Variants in RYR2 observed in about 807,000 individuals in gnomAD.
RYR2 encodes the protein cardiac muscle ryanodine receptor-calcium release channel.
RYR2 carries 227 observed loss-of-function variants against 601.1 expected under a neutral mutation model. The ratio of observed to expected loss-of-function variants is 0.38; its 90% CI spans 0.34 to 0.42. The LOEUF is 0.42. Ranked by LOEUF, RYR2 falls within the 10% of genes least tolerant of loss-of-function variation. The pLI is 1.00. For missense variants in RYR2, 4,646 were observed against 6,156.5 expected, an observed-to-expected ratio of 0.75 and a Z score of 8.21; for synonymous variants, 2,223 against 2,175.1, an observed-to-expected ratio of 1.02 and a Z score of -0.61.
chr1:237,488,448 C>T (rs1662942017), intron 17 of RYR2, among the ~76,000 whole-genome samples: 1 of 152,138 alleles, frequency 6.6e-6, no homozygotes, highest in South Asian at 2.1e-4. Flanking sequence ...TATAAAGGCA[C>T]TAATCCCATT....
intron 1 of RYR2, among the ~76,000 whole-genome samples, chr1:237,182,150 C>T (rs1028791684): frequency 2.1e-4 from 30 of 139,700 alleles, no homozygotes; most frequent in African/African-American, 5.5e-4. Flanking sequence ...GAGATGGAGT[C>T]GCACTCTATT....
intron 1 of RYR2, among the ~76,000 whole-genome samples, chr1:237,118,790 C>A (rs987207437): frequency 1.3e-5 from 2 of 151,894 alleles, no homozygotes; most frequent in Admixed American, 6.6e-5. Context: ...TTAGTTACAT[C>A]TTTTATAAAG....
chr1:237,783,627 C>T lies in RYR2; in HGVS notation c.11963-48C>T, dbSNP rs1169159969. ...TACATTGTTATCTTCTGTATGATCA[C>T]TGATTTTGTTAGTTTATTTTAAACA... is the stretch of plus-strand genomic sequence containing the variant. On this transcript the variant is annotated intron_variant, in intron 89 of 104. Coordinates refer to ENST00000366574, the MANE Select transcript of RYR2 (RefSeq NM_001035.3). 4 of 1,180,698 alleles carry T rather than the reference C, an allele frequency of 3.4e-6. No individual in the cohort carries two copies. In the African/African-American group the frequency reaches 6.1e-5, roughly 18 times the overall value. 73.1% of individuals were successfully genotyped at this position (1,180,698 alleles called of 1,614,324 possible).
intron 1 of RYR2, among the ~76,000 whole-genome samples, chr1:237,110,922 T>C (rs1669398175): frequency 6.6e-6 from 1 of 152,224 alleles, no homozygotes; most frequent in African/African-American, 2.4e-5. Flanking sequence ...GTGAGGTCAA[T>C]TGTGAAGTCC....
chr1:237,808,276 A>G lies in RYR2; in HGVS notation c.14299-625A>G, dbSNP rs1447490884. On this transcript the variant is annotated intron_variant, in intron 99 of 104. Transcript: ENST00000366574. ...AATACAAATTTCTATTTAGTTTAGGATATGATTGAAAATTTAAAAATAATT... is the reference window on the plus strand; with the variant it reads ...AATACAAATTTCTATTTAGTTTAGGGTATGATTGAAAATTTAAAAATAATT... Among the ~76,000 whole-genome samples, 6 of 152,210 alleles carry G rather than the reference A, an allele frequency of 3.9e-5. 1 individual carries two copies. The East Asian group carries it at 7.7e-4, about 19-fold the overall frequency.
chr1:237,659,072 C>T (rs1003046800), intron 54 of RYR2, among the ~76,000 whole-genome samples: 8 of 152,086 alleles, frequency 5.3e-5, no homozygotes, highest in African/African-American at 1.7e-4. Flanking sequence ...ATTGGTTTGG[C>T]GAAATGAAAA....
At chr1:237,130,176 A>G (rs1397563796) in intron 1 of RYR2, among the ~76,000 whole-genome samples, 1 of 151,960 alleles carries the variant, frequency 6.6e-6, no homozygotes, top group Non-Finnish European at 1.5e-5. Flanking sequence ...CATTATATAC[A>G]TATGTCAAAA....
At chr1:237,390,738 C>T (rs899008221) in intron 10 of RYR2, among the ~76,000 whole-genome samples, 3 of 152,008 alleles carry the variant, frequency 2.0e-5, no homozygotes, top group African/African-American at 4.8e-5. Flanking sequence ...TGTTCTGGAC[C>T]CACTCTCCCT....
At chr1:237,136,118 C>T (rs550642720) in intron 1 of RYR2, among the ~76,000 whole-genome samples, 1 of 152,326 alleles carries the variant, frequency 6.6e-6, no homozygotes, top group South Asian at 2.1e-4. Context: ...GACAAATGAC[C>T]CTTCCAGCAC....
chr1:237,187,932 T>TA (rs1422674375), intron 1 of RYR2, among the ~76,000 whole-genome samples: 1 of 152,224 alleles, frequency 6.6e-6, no homozygotes, highest in Non-Finnish European at 1.5e-5. Context: ...CAAAAAATCT[T>TA]AAATCTCTTT....
intron 1 of RYR2, among the ~76,000 whole-genome samples, chr1:237,200,913 C>T (rs957101600): frequency 2.6e-5 from 4 of 152,204 alleles, no homozygotes; most frequent in African/African-American, 9.6e-5. Flanking sequence ...TTAGGAGTCT[C>T]ATCCAGTATA....
intron 17 of RYR2, among the ~76,000 whole-genome samples, chr1:237,475,398 A>G (rs1448013488): frequency 6.6e-6 from 1 of 152,160 alleles, no homozygotes; most frequent in Non-Finnish European, 1.5e-5. Context: ...GCAGGCTTTC[A>G]TAGGCTTTCT....
chr1:237,717,826 T>A (rs114914149), intron 72 of RYR2, among the ~76,000 whole-genome samples: 69 of 151,880 alleles, frequency 4.5e-4, no homozygotes, highest in African/African-American at 1.6e-3. Context: ...TTCTCAAGAT[T>A]TTACAATGTC....
chr1:237,111,408 C>T (rs941194216), intron 1 of RYR2, among the ~76,000 whole-genome samples: 1 of 151,996 alleles, frequency 6.6e-6, no homozygotes, highest in African/African-American at 2.4e-5. Flanking sequence ...GCCAACATGG[C>T]GAAACCCTGT....
chr1:237,397,154 C>G (rs907002594), intron 10 of RYR2, among the ~76,000 whole-genome samples: 1 of 151,728 alleles, frequency 6.6e-6, no homozygotes, highest in South Asian at 2.1e-4. Flanking sequence ...AGGAGAATCG[C>G]TTGAACGCAG....
At chr1:237,281,701 G>C (rs539468549) in intron 2 of RYR2, among the ~76,000 whole-genome samples, 2 of 152,338 alleles carry the variant, frequency 1.3e-5, no homozygotes, top group South Asian at 4.1e-4. Context: ...GTAAGCTGGT[G>C]ATGACCCATT....
chr1:237,481,433 A>C (rs996930292), intron 17 of RYR2, among the ~76,000 whole-genome samples: 1 of 152,224 alleles, frequency 6.6e-6, no homozygotes, highest in Non-Finnish European at 1.5e-5. Flanking sequence ...CACAAAATTC[A>C]CTGCAAACAT....
At chr1:237,078,763 C>T (rs1665288287) in intron 1 of RYR2, among the ~76,000 whole-genome samples, 2 of 137,456 alleles carry the variant, frequency 1.5e-5, no homozygotes, top group South Asian at 4.9e-4. Flanking sequence ...GGGAATCCTC[C>T]CTAAGTCATT....
At chr1:237,354,467 A>G (rs960805705) in intron 3 of RYR2, among the ~76,000 whole-genome samples, 2 of 152,148 alleles carry the variant, frequency 1.3e-5, no homozygotes, top group African/African-American at 4.8e-5. Flanking sequence ...ATATGCACTA[A>G]AATAGCACCA....
Sources: allele counts gnomAD v4.1 joint callset (sites outside exome capture counted in the v4.1 genomes callset), GRCh38; gene constraint gnomAD v4.1.1; transcripts MANE v1.5; gene names NCBI Gene and HGNC (gene_info 2026-07-23, HGNC 2026-07-21).